The following RYR3 variants were observed in gnomAD, a reference collection of about 807,000 sequenced individuals.
The protein encoded by RYR3 is ryanodine receptor 3.
RYR3 carries 207 observed loss-of-function variants against 584.3 expected under a neutral mutation model. That is an observed-to-expected ratio of 0.35 (90% CI 0.32 to 0.40). The LOEUF (loss-of-function observed/expected upper bound fraction) is 0.40. RYR3 is among the 10% of genes least tolerant of loss of function. The probability of loss-of-function intolerance (pLI) is 1.00; values close to 1 mark genes in which losing one functional copy is unlikely to be tolerated. For synonymous variants in RYR3, 2,416 were observed against 2,248.5 expected (o/e 1.07, Z -2.11); for missense variants, 5,616 against 6,089.2 (o/e 0.92, Z 2.59).
In RYR3 at chr15:33,786,021, C is replaced by T. The variant is rs563799617; in HGVS notation, c.9589+39C>T. The T allele has an allele frequency of 2.2e-4, 317 of 1,427,970 alleles. 3 individuals are homozygous for T. Among genetic ancestry groups the T allele is most frequent in the South Asian group, 2.2e-3 (154 of 70,478 alleles). The allele number at this position is 1,427,970 out of a possible 1,614,324, so 88.5% of individuals were successfully genotyped here. A position where few individuals can be genotyped will look rare whatever the true frequency, so the allele number is the denominator to read the frequency against. On this transcript the variant is annotated intron_variant, in intron 66 of 103. Coordinates refer to ENST00000634891, the MANE Select transcript of RYR3 (RefSeq NM_001036.6). ...TCTCCCCAGTCCCCAGCCCAGGGGC[C>T]AAGATAACTGGATTCTTTTTTCATC...
intron 1 of RYR3, among the ~76,000 whole-genome samples, chr15:33,379,287 A>G (rs1034107496): frequency 5.9e-5 from 9 of 152,208 alleles, no homozygotes; most frequent in African/African-American, 2.2e-4. Flanking sequence ...AAAGAATAGA[A>G]GCGACACTTG....
intron 10 of RYR3, among the ~76,000 whole-genome samples, chr15:33,555,547 G>A (rs1266112735): frequency 1.3e-5 from 2 of 152,270 alleles, no homozygotes; most frequent in East Asian, 1.9e-4. Flanking sequence ...CTTGGGCTTC[G>A]AAGTGGAAGA....
intron 32 of RYR3, among the ~76,000 whole-genome samples, chr15:33,656,462 G>A (rs12440581): frequency 0.4 from 60,020 of 150,816 alleles, 12,089 homozygotes; most frequent in Non-Finnish European, 0.46. Context: ...ACTGACCCAC[G>A]GCTGGGAAAT....
intron 15 of RYR3, among the ~76,000 whole-genome samples, chr15:33,585,371 T>C (rs889129325): frequency 6.6e-6 from 1 of 152,192 alleles, no homozygotes; most frequent in African/African-American, 2.4e-5. Context: ...TGAATTTCAA[T>C]CATGATATTA....
chr15:33,695,564 G>C (rs544631438), intron 38 of RYR3, among the ~76,000 whole-genome samples: 9 of 152,230 alleles, frequency 5.9e-5, no homozygotes, highest in African/African-American at 2.2e-4. Context: ...GCAAAAAAAG[G>C]CTGTTCAGAC....
intron 3 of RYR3, among the ~76,000 whole-genome samples, chr15:33,527,657 G>GA (rs953303811): frequency 2.0e-5 from 3 of 151,618 alleles, no homozygotes; most frequent in South Asian, 2.1e-4. Flanking sequence ...CCCTTTTACA[G>GA]AAAAAAAATT....
intron 10 of RYR3, among the ~76,000 whole-genome samples, chr15:33,561,890 C>A (rs1434379956): frequency 2.0e-5 from 3 of 150,442 alleles, no homozygotes; most frequent in Non-Finnish European, 4.4e-5. Flanking sequence ...CAGAGTGAGA[C>A]CCTGGGCTCA....
chr15:33,574,893 T>C (rs2058215082), intron 12 of RYR3, among the ~76,000 whole-genome samples: 1 of 152,046 alleles, frequency 6.6e-6, no homozygotes, highest in South Asian at 2.1e-4. Flanking sequence ...CCATCTCACA[T>C]GCAAAGACAT....
At chr15:33,568,622 G>A (rs1595633886) in intron 12 of RYR3, among the ~76,000 whole-genome samples, 2 of 152,048 alleles carry the variant, frequency 1.3e-5, no homozygotes, top group African/African-American at 2.4e-5. Context: ...GTAGAGATGG[G>A]GCCTCACTGT....
intron 3 of RYR3, among the ~76,000 whole-genome samples, chr15:33,517,392 A>G (rs1167313269): frequency 6.6e-6 from 1 of 152,248 alleles, no homozygotes; most frequent in Non-Finnish European, 1.5e-5. Context: ...ACTGAGAATC[A>G]CTGCTGTAAC....
At chr15:33,511,843 A>G (rs1192948169) in intron 3 of RYR3, among the ~76,000 whole-genome samples, 3 of 152,068 alleles carry the variant, frequency 2.0e-5, no homozygotes, top group Non-Finnish European at 4.4e-5. Flanking sequence ...CAGTGGCGCG[A>G]TCTCGGCTCA....
At chr15:33,751,493 G>A in intron 57 of RYR3, among the ~76,000 whole-genome samples, 1 of 151,978 alleles carries the variant, frequency 6.6e-6, no homozygotes. Flanking sequence ...CAGTGATGAT[G>A]AGCTTTTTTT....
At chr15:33,482,185 G>GT (rs1194181528) in intron 2 of RYR3, among the ~76,000 whole-genome samples, 1 of 151,892 alleles carries the variant, frequency 6.6e-6, no homozygotes, top group Non-Finnish European at 1.5e-5. Flanking sequence ...TTTTGTCCCT[G>GT]TTTTTGAAGG....
At chr15:33,761,708 T>C (rs370545087) in intron 60 of RYR3, among the ~76,000 whole-genome samples, 1 of 152,218 alleles carries the variant, frequency 6.6e-6, no homozygotes, top group East Asian at 1.9e-4. Context: ...CTTCTGAAAC[T>C]ATTCCAAACA....
intron 62 of RYR3, among the ~76,000 whole-genome samples, 200 bp downstream of exon 62, chr15:33,769,372 A>G (rs1459979599): frequency 2.0e-5 from 3 of 152,228 alleles, no homozygotes; most frequent in African/African-American, 7.2e-5. Context: ...CATAGACGGA[A>G]TGCAAAGGCC....
chr15:33,750,325 G>C (rs533283892), intron 57 of RYR3, 39 bp downstream of exon 57: 1 of 1,600,810 alleles, frequency 6.2e-7, no homozygotes, highest in African/African-American at 1.3e-5. Context: ...GGACAGGGCT[G>C]TGCCTCCCTA....
intron 74 of RYR3, 145 bp downstream of exon 74, chr15:33,813,724 A>G: frequency 1.5e-6 from 1 of 651,880 alleles, no homozygotes; most frequent in South Asian, 1.9e-5. Context: ...GCATAGTATA[A>G]GGGCCTGGCT....
intron 3 of RYR3, among the ~76,000 whole-genome samples, chr15:33,515,927 T>G (rs541813994): frequency 6.6e-6 from 1 of 152,222 alleles, no homozygotes; most frequent in African/African-American, 2.4e-5. Context: ...CACTTCGCAC[T>G]TCCTCACATT....
chr15:33,669,857 G>GGGGGGGGGGGTGGT lies in RYR3; in HGVS notation c.5722+402_5722+403insGGGGGGGGGTGGTG, dbSNP rs1555401713. On this transcript the variant is annotated intron_variant, in intron 37 of 103. Transcript: ENST00000634891. ...GTGTGTGTGTGTGGGGGGGGGGGGG[G>GGGGGGGGGGGTGGT]GTGTGGGTGTGTGGGTGTGTGTGGT... 6.6e-5 allele frequency among the ~76,000 whole-genome samples: 4 copies of GGGGGGGGGGGTGGT among 60,218 alleles called. 1 individual carries two copies. The highest frequency in any genetic ancestry group is 1.2e-4 in the Non-Finnish European group (4 of 32,228). The allele number at this position is 60,218 out of a possible 152,430, so 39.5% of individuals were successfully genotyped here.
Sources: gnomAD v4.1 joint callset for allele counts (sites outside exome capture counted in the v4.1 genomes callset) on GRCh38, gnomAD v4.1.1 for gene constraint, MANE v1.5 for transcripts, NCBI Gene and HGNC (gene_info 2026-07-23, HGNC 2026-07-21) for gene names.